The following STAB2 variants were observed in gnomAD, a reference collection of about 807,000 sequenced individuals.
The protein encoded by STAB2 is stabilin-2.
A neutral mutation model predicts 338.1 loss-of-function variants in STAB2; 288 were observed. The observed-to-expected ratio is 0.85, with a 90% confidence interval of 0.77 to 0.94. STAB2 has a LOEUF of 0.94. STAB2 is among the 40% of genes least tolerant of loss of function. The pLI is 0.00. For missense variants in STAB2, 3,141 were observed against 3,210.1 expected (o/e 0.98, Z 0.52); for synonymous variants, 1,202 against 1,193.3 (o/e 1.01, Z -0.15).
At chr12:103,751,794 A>G (rs888239833) in intron 60 of STAB2, among the ~76,000 whole-genome samples, 3 of 152,174 alleles carry the variant, frequency 2.0e-5, no homozygotes, top group Non-Finnish European at 4.4e-5. Flanking sequence ...AGCTTCTCCC[A>G]TGGGCTTTTC....
intron 27 of STAB2, among the ~76,000 whole-genome samples, chr12:103,687,017 T>G (rs1361380469): frequency 6.6e-6 from 1 of 152,214 alleles, no homozygotes; most frequent in Admixed American, 6.5e-5. Flanking sequence ...TTTTAACATG[T>G]GCTTATTGAC....
chr12:103,598,176 G>C (rs1964008), intron 3 of STAB2, among the ~76,000 whole-genome samples: 3,741 of 152,224 alleles, frequency 0.025, 64 homozygotes, highest in Middle Eastern at 0.048. Flanking sequence ...AATCCAACAA[G>C]AGCTATAAAT....
At chr12:103,676,367 T>G (rs776617676) in intron 24 of STAB2, among the ~76,000 whole-genome samples, 6 of 152,192 alleles carry the variant, frequency 3.9e-5, no homozygotes, top group Non-Finnish European at 8.8e-5. Flanking sequence ...CTGCCTGGTT[T>G]CTTGTTGGCT....
rs1352141506 is a variant in STAB2 at position 103,745,228 on chromosome 12, G to C, written c.6087G>C (p.Gln2029His). 1.2e-6 allele frequency: 2 copies of C among 1,613,932 alleles called. No individual in the cohort carries two copies. The highest frequency in any genetic ancestry group is 1.7e-6 in the Non-Finnish European group (2 of 1,180,022). ...ATGATGGCATCACGGGCTCCGGGCA[G>C]TGCCTCTGTGAAACGGGGTGGACAG... Reference protein sequence around the residue: ...QCDDGITGSGQCLCETGWTGP... With the variant: ...QCDDGITGSGHCLCETGWTGP... The change falls in exon 57 of 69, where the codon CAG becomes CAC. Residue 2029 changes from glutamine (Q) to histidine (H), a missense_variant. Transcript: ENST00000388887.
chr12:103,675,298 CGTCTGGAAAGGTAATGG>C (rs547094771), intron 23 of STAB2, among the ~76,000 whole-genome samples: 36 of 152,118 alleles, frequency 2.4e-4, no homozygotes, highest in African/African-American at 8.7e-4. Flanking sequence ...TTGAGAGGAG[CGTCTGGAAAGGTAATGG>C]GTCAAGAAAC....
intron 3 of STAB2, among the ~76,000 whole-genome samples, chr12:103,599,548 A>C (rs2138556949): frequency 6.6e-6 from 1 of 152,346 alleles, no homozygotes; most frequent in East Asian, 1.9e-4. Context: ...CAGATTTAGC[A>C]AATAATAATA....
rs201659131 is a variant in STAB2 at position 103,754,827 on chromosome 12, T to A, written c.6715-475T>A. Among the ~76,000 whole-genome samples, 1,445 of 151,910 alleles carry A rather than the reference T, an allele frequency of 9.5e-3. 43 individuals carry two copies. The East Asian group carries it at 0.097, about 10-fold the overall frequency. On this transcript the variant is annotated intron_variant, in intron 61 of 68. Transcript: ENST00000388887. ...TGCACATGGTGGTGCACACCTGTAATCCTAGCTACCCAGGAGGTTGAGACA... is the reference window on the plus strand; with the variant it reads ...TGCACATGGTGGTGCACACCTGTAAACCTAGCTACCCAGGAGGTTGAGACA...
At chr12:103,753,640 G>T (rs1883865833) in intron 61 of STAB2, among the ~76,000 whole-genome samples, 1 of 152,240 alleles carries the variant, frequency 6.6e-6, no homozygotes, top group Admixed American at 6.5e-5. Context: ...CTGAGGCTTA[G>T]AAAGTTTAAG....
intron 12 of STAB2, among the ~76,000 whole-genome samples, chr12:103,652,998 T>A (rs114145685): frequency 5.3e-4 from 80 of 152,276 alleles, no homozygotes; most frequent in African/African-American, 1.8e-3. Flanking sequence ...GGAGAAACTT[T>A]GCTATAAACC....
intron 3 of STAB2, among the ~76,000 whole-genome samples, chr12:103,600,118 T>G (rs550103875): frequency 6.6e-6 from 1 of 152,332 alleles, no homozygotes; most frequent in Admixed American, 6.5e-5. Context: ...ACATGAAAAG[T>G]GGTTGGCAAT....
intron 44 of STAB2, among the ~76,000 whole-genome samples, chr12:103,718,162 G>A (rs1038353608): frequency 4.6e-5 from 7 of 152,104 alleles, no homozygotes; most frequent in African/African-American, 2.4e-5. Flanking sequence ...CCTCCTCTAG[G>A]AAGCCATCTT....
chr12:103,627,192 G>A (rs1957393637), intron 5 of STAB2, among the ~76,000 whole-genome samples: 1 of 152,010 alleles, frequency 6.6e-6, no homozygotes, highest in African/African-American at 2.4e-5. Flanking sequence ...TCCAGAGCCT[G>A]GGCCCCTAAG....
intron 60 of STAB2, among the ~76,000 whole-genome samples, chr12:103,751,459 T>A (rs1422336107): frequency 6.6e-6 from 1 of 152,142 alleles, no homozygotes; most frequent in Non-Finnish European, 1.5e-5. Context: ...AAAGTTTCCA[T>A]CCTGAGACCA....
chr12:103,703,693 A>G (rs1341507006), intron 35 of STAB2, among the ~76,000 whole-genome samples: 2 of 152,214 alleles, frequency 1.3e-5, no homozygotes, highest in Non-Finnish European at 2.9e-5. Flanking sequence ...CCAGTAGAGA[A>G]AATAAGGAAA....
intron 60 of STAB2, 91 bp from the exon 61 acceptor site, chr12:103,753,129 C>A: frequency 6.5e-7 from 1 of 1,529,894 alleles, no homozygotes; most frequent in East Asian, 2.3e-5. Flanking sequence ...GTATAGCTGG[C>A]CTTCATTTTG....
At chr12:103,623,636 G>A (rs1428236391) in intron 5 of STAB2, among the ~76,000 whole-genome samples, 1 of 152,184 alleles carries the variant, frequency 6.6e-6, no homozygotes, top group Non-Finnish European at 1.5e-5. Flanking sequence ...CCAAAAAGGA[G>A]CACAACACTG....
rs1884971180 is a variant in STAB2, at chr12:103,766,424, T to C, written c.*88T>C. 9.6e-6 allele frequency: 14 copies of C among 1,452,788 alleles called. No homozygotes were observed. Among genetic ancestry groups the C allele is most frequent in the Non-Finnish European group, 1.3e-5 (14 of 1,068,076 alleles). The allele number at this position is 1,452,788 out of a possible 1,614,324, so 90.0% of individuals were successfully genotyped here. On this transcript the variant is annotated 3_prime_UTR_variant, in exon 69 of 69. Transcript: ENST00000388887. ...CAGCACCAGTTGCCTTTTAGGAACG[T>C]AAAGTCCTTTAAGCACTCAGAAGCC...
chr12:103,677,712 CT>C (rs1421438147), intron 25 of STAB2, 101 bp downstream of exon 25: 25 of 1,419,926 alleles, frequency 1.8e-5, no homozygotes, highest in Non-Finnish European at 1.0e-5. Context: ...CTTACTGCAG[CT>C]TTTTTCAGTC....
chr12:103,695,456 T>C (rs1482143896), intron 31 of STAB2, 94 bp from the exon 32 acceptor site: 8 of 1,133,022 alleles, frequency 7.1e-6, no homozygotes, highest in Non-Finnish European at 9.1e-6. Flanking sequence ...TTGAACTGTC[T>C]AAAGAGGTTA....
Sources: allele counts gnomAD v4.1 joint callset (sites outside exome capture counted in the v4.1 genomes callset), GRCh38; gene constraint gnomAD v4.1.1; transcripts MANE v1.5; gene names NCBI Gene and HGNC (gene_info 2026-07-23, HGNC 2026-07-21).